Variants in TFPI observed in about 807,000 individuals in gnomAD.
TFPI encodes tissue factor pathway inhibitor.
TFPI carries 15 observed loss-of-function variants against 34.6 expected under a neutral mutation model. The observed-to-expected ratio is 0.43, with a 90% CI of 0.29 to 0.67. The LOEUF is 0.67. Among genes scored for constraint, TFPI ranks in the 30% least tolerant of loss-of-function variants. TFPI has a pLI of 0.15. For missense variants in TFPI, 301 were observed against 364.0 expected (o/e 0.83, Z 1.41); for synonymous variants, 105 against 120.1 (o/e 0.87, Z 0.82).
intron 6 of TFPI, chr2:187,478,686 C>T: frequency 1.9e-6 from 3 of 1,612,870 alleles, no homozygotes; most frequent in Non-Finnish European, 2.5e-6. Context: ...TTAACATAGG[C>T]ATGAAATGCT....
chr2:187,499,923 C>T (rs554716267), intron 2 of TFPI, among the ~76,000 whole-genome samples: 2 of 152,192 alleles, frequency 1.3e-5, no homozygotes, highest in South Asian at 4.2e-4. Flanking sequence ...ACACAGGGAA[C>T]TTTACCTAAT....
chr2:187,488,280 T>A, intron 4 of TFPI, 57 bp downstream of exon 4: 1 of 1,427,666 alleles, frequency 7.0e-7, no homozygotes, highest in Non-Finnish European at 9.5e-7. Context: ...AACAAAAAAT[T>A]GAATATCTAA....
At chr2:187,481,655 G>A (rs1428152849) in intron 6 of TFPI, among the ~76,000 whole-genome samples, 7 of 151,484 alleles carry the variant, frequency 4.6e-5, no homozygotes, top group African/African-American at 1.7e-4. Context: ...GGGAGGGAAG[G>A]GAGGGGAGGG....
At chr2:187,502,490 A>G (rs543111862) in intron 2 of TFPI, among the ~76,000 whole-genome samples, 1 of 152,290 alleles carries the variant, frequency 6.6e-6, no homozygotes, top group East Asian at 1.9e-4. Flanking sequence ...TTTGAGAAAA[A>G]AGCCGAATGA....
chr2:187,497,568 G>A (rs894320559), intron 2 of TFPI, among the ~76,000 whole-genome samples: 4 of 151,864 alleles, frequency 2.6e-5, no homozygotes, highest in Non-Finnish European at 2.9e-5. Context: ...TGTGTTTGAT[G>A]TTCTGAAAAA....
chr2:187,487,217 C>T (rs868759122), intron 4 of TFPI, among the ~76,000 whole-genome samples: 4 of 151,236 alleles, frequency 2.6e-5, no homozygotes, highest in African/African-American at 9.7e-5. Context: ...ACAAAAACTT[C>T]TTTATTATAA....
chr2:187,552,454 TATC>T (rs1483666434), intron 1 of TFPI, among the ~76,000 whole-genome samples: 4 of 152,108 alleles, frequency 2.6e-5, no homozygotes, highest in African/African-American at 9.6e-5. Context: ...CAAAATATGT[TATC>T]ATTTTATGTA....
chr2:187,505,997 T>TA lies in TFPI; in HGVS notation c.-2-2228dup, dbSNP rs201544212. Among the ~76,000 whole-genome samples, 780 of 151,790 alleles carry TA rather than the reference T, an allele frequency of 5.1e-3. 7 individuals are homozygous for TA. Among genetic ancestry groups the TA allele is most frequent in the East Asian group, 0.042 (217 of 5,150 alleles). ...ATAGTAGCGTATGTAATTTTTTTTT[T>TA]AAAAAAAAGAAAAGCAAAAGGCAAA... On this transcript the variant is annotated intron_variant, in intron 1 of 7. Transcript: ENST00000233156.
intron 3 of TFPI, among the ~76,000 whole-genome samples, chr2:187,495,522 G>C (rs1685418105): frequency 6.6e-6 from 1 of 152,194 alleles, no homozygotes; most frequent in South Asian, 2.1e-4. Flanking sequence ...TCTATGGAGA[G>C]GAAACAGAGA....
At chr2:187,524,029 T>C (rs1302004591) in intron 1 of TFPI, among the ~76,000 whole-genome samples, 1 of 152,118 alleles carries the variant, frequency 6.6e-6, no homozygotes, top group Non-Finnish European at 1.5e-5. Context: ...ATGTCTGGCT[T>C]CTTTCACTTA....
intron 1 of TFPI, among the ~76,000 whole-genome samples, chr2:187,531,855 TTAAA>T (rs1687973965): frequency 6.6e-6 from 1 of 152,168 alleles, no homozygotes; most frequent in South Asian, 2.1e-4. Flanking sequence ...TATAATACAC[TTAAA>T]TACTTTCTTC....
rs8176419 is a variant in TFPI, at chr2:187,502,410, AG to A, written c.121+1237del. On this transcript the variant is annotated intron_variant, in intron 2 of 7. Coordinates refer to ENST00000233156, the MANE Select transcript of TFPI (RefSeq NM_006287.6). ...GAGATTGCCTGTTTTTTCCCTGTTA[AG>A]ACTTATTTTATCCTCCACCTTCCTT... is the stretch of plus-strand genomic sequence containing the variant. Among the ~76,000 whole-genome samples, 610 of 152,254 alleles carry A rather than the reference AG, an allele frequency of 4.0e-3. 9 individuals are homozygous for A. The highest frequency in any genetic ancestry group is 0.014 in the African/African-American group (584 of 41,562).
At chr2:187,534,141 C>G (rs1039125242) in intron 1 of TFPI, among the ~76,000 whole-genome samples, 1 of 152,200 alleles carries the variant, frequency 6.6e-6, no homozygotes, top group African/African-American at 2.4e-5. Context: ...TTGGAGAACA[C>G]TCTTCAGGAT....
chr2:187,478,814 C>T, intron 6 of TFPI: 1 of 1,605,384 alleles, frequency 6.2e-7, no homozygotes, highest in Non-Finnish European at 8.5e-7. Context: ...CTGTGGATCA[C>T]AAAATTGATA....
chr2:187,551,234 G>C (rs992222514), intron 1 of TFPI, among the ~76,000 whole-genome samples: 1 of 152,084 alleles, frequency 6.6e-6, no homozygotes, highest in Admixed American at 6.6e-5. Flanking sequence ...CCATCACATG[G>C]AACAATTGGG....
At chr2:187,483,174 T>C (rs1174225976) in intron 6 of TFPI, among the ~76,000 whole-genome samples, 2 of 151,962 alleles carry the variant, frequency 1.3e-5, no homozygotes, top group Admixed American at 1.3e-4. Context: ...TGTTTGTTTG[T>C]TGTAAAGAGG....
At chr2:187,468,998 T>C (rs1156805804) in intron 6 of TFPI, among the ~76,000 whole-genome samples, 2 of 152,002 alleles carry the variant, frequency 1.3e-5, no homozygotes, top group East Asian at 3.8e-4. Flanking sequence ...GGTGAATAGA[T>C]TGTGCTTTAA....
At chr2:187,501,028 G>A (rs1332136429) in intron 2 of TFPI, among the ~76,000 whole-genome samples, 2 of 152,242 alleles carry the variant, frequency 1.3e-5, no homozygotes, top group East Asian at 1.9e-4. Flanking sequence ...GGTGCTGTGC[G>A]AGTGAACAGT....
chr2:187,476,627 A>C (rs1692395271), intron 6 of TFPI, among the ~76,000 whole-genome samples: 1 of 152,158 alleles, frequency 6.6e-6, no homozygotes. Context: ...GGAGTGAGCC[A>C]CTGCACCCAG....
Sources: allele counts gnomAD v4.1 joint callset (sites outside exome capture counted in the v4.1 genomes callset), GRCh38; gene constraint gnomAD v4.1.1; transcripts MANE v1.5; gene names NCBI Gene and HGNC (gene_info 2026-07-23, HGNC 2026-07-21).